The following CNTN5 variants were observed in gnomAD, a reference collection of about 807,000 sequenced individuals.
CNTN5 encodes the protein contactin 5.
Under a neutral mutation model 129.1 loss-of-function variants are expected in CNTN5, and 77 were observed. That is an observed-to-expected ratio of 0.60 (90% confidence interval 0.50 to 0.72). The LOEUF is 0.72. CNTN5 is among the 30% of genes least tolerant of loss of function. The pLI is 0.00. For synonymous variants in CNTN5, 509 were observed against 465.6 expected, an observed-to-expected ratio of 1.09 and a Z score of -1.20; for missense variants, 1,478 against 1,328.8, an observed-to-expected ratio of 1.11 and a Z score of -1.75.
intron 2 of CNTN5, among the ~76,000 whole-genome samples, chr11:99,505,350 T>G (rs993459527): frequency 1.3e-5 from 2 of 152,204 alleles, no homozygotes; most frequent in Non-Finnish European, 2.9e-5. Flanking sequence ...TTATCAGTAC[T>G]CTTTGTCCTG....
intron 23 of CNTN5, among the ~76,000 whole-genome samples, chr11:100,348,303 T>A (rs1952331797): frequency 6.6e-6 from 1 of 152,080 alleles, no homozygotes; most frequent in South Asian, 2.1e-4. Flanking sequence ...TCTAAAGCAC[T>A]GAAGATTAAC....
intron 1 of CNTN5, among the ~76,000 whole-genome samples, chr11:99,151,515 A>G (rs914598616): frequency 2.0e-5 from 3 of 152,168 alleles, no homozygotes; most frequent in African/African-American, 7.2e-5. Flanking sequence ...CCATGAGTAT[A>G]TTTTGAATAT....
intron 8 of CNTN5, among the ~76,000 whole-genome samples, chr11:99,997,192 C>G (rs1489085642): frequency 6.6e-6 from 1 of 152,102 alleles, no homozygotes. Flanking sequence ...AAACCAGCTC[C>G]TGGATTCATT....
At chr11:99,128,155 A>C (rs1264858912) in intron 1 of CNTN5, among the ~76,000 whole-genome samples, 1 of 152,156 alleles carries the variant, frequency 6.6e-6, no homozygotes, top group African/African-American at 2.4e-5. Flanking sequence ...AGAGGGTCCC[A>C]CGCCCACAGA....
intron 2 of CNTN5, among the ~76,000 whole-genome samples, chr11:99,553,029 A>G (rs960393028): frequency 6.6e-6 from 1 of 152,174 alleles, no homozygotes; most frequent in Non-Finnish European, 1.5e-5. Context: ...GTAATCTATG[A>G]CTGAATCCGA....
In CNTN5 at chr11:99,732,797, A is replaced by G. The variant is rs190330453; in HGVS notation, c.56-86747A>G. 2.4e-3 allele frequency among the ~76,000 whole-genome samples: 372 copies of G among 152,292 alleles called. 2 individuals carry two copies. Among genetic ancestry groups the G allele is most frequent in the African/African-American group, 8.7e-3 (360 of 41,580 alleles). ...TAATAGAGGAAGATTAACTGACATG[A>G]GGAATAGTATGAAAGATTAGTGGGA... On this transcript the variant is annotated intron_variant, in intron 3 of 24. Coordinates refer to ENST00000524871, the MANE Select transcript of CNTN5 (RefSeq NM_014361.4).
intron 21 of CNTN5, among the ~76,000 whole-genome samples, chr11:100,316,154 C>G (rs567282893): frequency 6.6e-6 from 1 of 152,120 alleles, no homozygotes; most frequent in Non-Finnish European, 1.5e-5. Context: ...AGAGAAGATG[C>G]CAGTCTGGCA....
At chr11:99,650,394 G>A (rs1055879236) in intron 3 of CNTN5, among the ~76,000 whole-genome samples, 1 of 151,824 alleles carries the variant, frequency 6.6e-6, no homozygotes, top group Non-Finnish European at 1.5e-5. Flanking sequence ...ATAAAGCTAT[G>A]ATAACATAAA....
intron 13 of CNTN5, among the ~76,000 whole-genome samples, chr11:100,126,428 T>C (rs994383122): frequency 6.6e-6 from 1 of 152,152 alleles, no homozygotes; most frequent in Non-Finnish European, 1.5e-5. Context: ...AGGCTTTTTG[T>C]AGGTCTAGAA....
At chr11:99,699,967 T>C (rs138926113) in intron 3 of CNTN5, among the ~76,000 whole-genome samples, 5 of 151,562 alleles carry the variant, frequency 3.3e-5, no homozygotes, top group East Asian at 1.9e-4. Context: ...CTGGCACATA[T>C]TGGGTAAATG....
chr11:99,613,639 CTT>C (rs1193495628), intron 3 of CNTN5, among the ~76,000 whole-genome samples: 2 of 151,984 alleles, frequency 1.3e-5, no homozygotes, highest in East Asian at 3.9e-4. Flanking sequence ...AAATTTTAAT[CTT>C]TATTTTGGCA....
At chr11:99,532,592 C>T (rs1294648458) in intron 2 of CNTN5, among the ~76,000 whole-genome samples, 1 of 152,094 alleles carries the variant, frequency 6.6e-6, no homozygotes, top group Non-Finnish European at 1.5e-5. Context: ...GTGGGAGGGA[C>T]CCAGGAGGAG....
At chr11:99,358,214 A>G (rs55717917) in intron 2 of CNTN5, among the ~76,000 whole-genome samples, 2 of 116,002 alleles carry the variant, frequency 1.7e-5, no homozygotes, top group African/African-American at 6.3e-5. Flanking sequence ...TCAGCCTCCC[A>G]AGTAGCTGGG....
intron 1 of CNTN5, among the ~76,000 whole-genome samples, chr11:99,141,561 T>A (rs1195058084): frequency 6.6e-6 from 1 of 152,140 alleles, no homozygotes; most frequent in Non-Finnish European, 1.5e-5. Context: ...CTTTGGTGGT[T>A]TTTTTCTCTA....
chr11:100,124,596 T>C (rs1384472559), intron 13 of CNTN5, among the ~76,000 whole-genome samples: 2 of 152,008 alleles, frequency 1.3e-5, no homozygotes, highest in Non-Finnish European at 1.5e-5. Flanking sequence ...AGCAACTAAT[T>C]TGGAAGTATC....
intron 2 of CNTN5, among the ~76,000 whole-genome samples, chr11:99,360,604 T>G (rs1221505537): frequency 6.6e-6 from 1 of 152,194 alleles, no homozygotes; most frequent in Non-Finnish European, 1.5e-5. Flanking sequence ...TACTTGAGTT[T>G]TGCCTTTCGT....
chr11:99,339,743 C>T (rs1866421940), intron 2 of CNTN5, among the ~76,000 whole-genome samples: 1 of 150,548 alleles, frequency 6.6e-6, no homozygotes, highest in African/African-American at 2.4e-5. Flanking sequence ...GATTGCGCCA[C>T]CGCACTCCAG....
intron 2 of CNTN5, among the ~76,000 whole-genome samples, chr11:99,396,284 A>G (rs1375086919): frequency 6.6e-6 from 1 of 151,664 alleles, no homozygotes; most frequent in African/African-American, 2.4e-5. Context: ...AATCTTTTCT[A>G]AAATAAAACT....
At chr11:99,069,173 T>C (rs916887483) in intron 1 of CNTN5, among the ~76,000 whole-genome samples, 1 of 152,002 alleles carries the variant, frequency 6.6e-6, no homozygotes, top group Admixed American at 6.6e-5. Context: ...AAATGAGGTG[T>C]TTTTTTCCCC....
Sources: gnomAD v4.1 joint callset for allele counts (sites outside exome capture counted in the v4.1 genomes callset) on GRCh38, gnomAD v4.1.1 for gene constraint, MANE v1.5 for transcripts, NCBI Gene and HGNC (gene_info 2026-07-23, HGNC 2026-07-21) for gene names.